Variants in CNKSR2 observed in about 807,000 individuals in gnomAD.
The protein encoded by CNKSR2 is CNK homolog protein 2.
A neutral mutation model predicts 84.4 loss-of-function variants in CNKSR2; 14 were observed. That is an observed-to-expected ratio of 0.17 (90% CI 0.11 to 0.26). CNKSR2 has a LOEUF of 0.26. CNKSR2 is among the 10% of genes least tolerant of loss of function. The probability of loss-of-function intolerance (pLI) is 1.00; values close to 1 mark genes in which losing one functional copy is unlikely to be tolerated. For synonymous variants in CNKSR2, 275 were observed against 277.9 expected (o/e 0.99, Z 0.10); for missense variants, 485 against 771.2 (o/e 0.63, Z 4.40).
In CNKSR2 at chrX:21,639,529, A is replaced by G. The variant is rs1167693645; in HGVS notation, c.2693-9302A>G. On this transcript the variant is annotated intron_variant, in intron 20 of 21. Coordinates refer to ENST00000379510, the MANE Select transcript of CNKSR2 (RefSeq NM_014927.5). ...TAAAAAATTTATTTAAAATTTACCA[A>G]GGCCTCTTTCATTTTGCCATAATCT... 2.7e-5 allele frequency among the ~76,000 whole-genome samples: 3 copies of G among 112,028 alleles called. No homozygotes were observed. In the East Asian group the frequency reaches 8.4e-4, roughly 31 times the overall value.
chrX:21,575,348 A>G (rs1278885472), intron 13 of CNKSR2, among the ~76,000 whole-genome samples: 4 of 110,847 alleles, frequency 3.6e-5, no homozygotes, highest in South Asian at 3.8e-4. Flanking sequence ...AAAATCAACT[A>G]TCGGTACTCC....
At chrX:21,622,413 T>C (rs776415194) in intron 20 of CNKSR2, among the ~76,000 whole-genome samples, 63 of 111,294 alleles carry the variant, frequency 5.7e-4, no homozygotes, top group African/African-American at 1.9e-3. Context: ...TACCTTGACT[T>C]CATCTGCATC....
At chrX:21,627,793 T>C (rs1209363839) in intron 20 of CNKSR2, among the ~76,000 whole-genome samples, 1 of 111,462 alleles carries the variant, frequency 9.0e-6, no homozygotes, top group Admixed American at 9.5e-5. Flanking sequence ...TAATGGGAGC[T>C]ACAAGATGAG....
At chrX:21,497,721 G>A in intron 6 of CNKSR2, 66 bp from the exon 7 acceptor site, 1 of 564,903 alleles carries the variant, frequency 1.8e-6, no homozygotes. Context: ...ATATAAACGA[G>A]GTTACAATGT....
At chrX:21,467,112 T>C (rs1420965003) in intron 4 of CNKSR2, among the ~76,000 whole-genome samples, 4 of 111,784 alleles carry the variant, frequency 3.6e-5, no homozygotes, top group African/African-American at 9.8e-5. Context: ...TGGCAGATAA[T>C]GTTATAAAAA....
chrX:21,609,319 G>T lies in CNKSR2; in HGVS notation c.2394G>T (p.Ala798=). ...AGGATTCTGTCTTCTCTGACTCCGC[G>T]GCCATCTCCCCAGAGCACAGGCGGC... is the stretch of plus-strand genomic sequence containing the variant. ...PLEDSVFSDS[A]AISPEHRRQS... is the part of the protein sequence containing the mutation. Residue 798 remains alanine (A), a synonymous_variant, in exon 20 of 22, where the codon GCG becomes GCT. Coordinates refer to ENST00000379510, the MANE Select transcript of CNKSR2 (RefSeq NM_014927.5). 8.3e-7 allele frequency: 1 copy of T among 1,211,397 alleles called. No homozygotes were observed.
chrX:21,595,807 T>C (rs1321515480), intron 17 of CNKSR2, among the ~76,000 whole-genome samples: 1 of 111,899 alleles, frequency 8.9e-6, no homozygotes, highest in Non-Finnish European at 1.9e-5. Context: ...TTAGTATTTC[T>C]TTCTGTCACT....
chrX:21,381,268 G>C (rs1192939786), intron 1 of CNKSR2, among the ~76,000 whole-genome samples: 2 of 111,849 alleles, frequency 1.8e-5, no homozygotes, highest in African/African-American at 6.5e-5. Flanking sequence ...GGAATTTTAG[G>C]CTTGCAACAG....
At chrX:21,426,301 G>A (rs1280123270) in intron 1 of CNKSR2, 196 bp from the exon 2 acceptor site, 3 of 391,782 alleles carry the variant, frequency 7.7e-6, no homozygotes, top group African/African-American at 5.3e-5. Flanking sequence ...TAACAACTAC[G>A]AGTATGATGA....
At chrX:21,560,865 T>C (rs759267419) in intron 11 of CNKSR2, among the ~76,000 whole-genome samples, 1 of 111,415 alleles carries the variant, frequency 9.0e-6, no homozygotes, top group Non-Finnish European at 1.9e-5. Context: ...CTTGGATCTC[T>C]ATACTGGACA....
rs1208424205 is a variant in CNKSR2 at position 21,591,207 on chromosome X, A to G, written c.1830+13A>G. On this transcript the variant is annotated intron_variant, in intron 15 of 21. Transcript: ENST00000379510. ...TATTAATGAGGAGGTAAGATAAAGC[A>G]CCTTTTGTTTTCTCATCCATTCTCT... is the stretch of plus-strand genomic sequence containing the variant. 4 of 1,136,597 alleles carry G rather than the reference A, an allele frequency of 3.5e-6. No individual in the cohort carries two copies. Among genetic ancestry groups the G allele is most frequent in the Non-Finnish European group, 4.7e-6 (4 of 846,076 alleles). 93.7% of individuals were successfully genotyped at this position (1,136,597 alleles called of 1,213,427 possible). A position where few individuals can be genotyped will look rare whatever the true frequency, so the allele number is the denominator to read the frequency against.
intron 5 of CNKSR2, among the ~76,000 whole-genome samples, chrX:21,485,473 G>C (rs73451466): frequency 9.0e-6 from 1 of 110,670 alleles, no homozygotes; most frequent in African/African-American, 3.3e-5. Flanking sequence ...GTGTGTGTGC[G>C]TGTATGTGCA....
At chrX:21,378,378 T>A (rs776908528) in intron 1 of CNKSR2, among the ~76,000 whole-genome samples, 1 of 111,857 alleles carries the variant, frequency 8.9e-6, no homozygotes, top group African/African-American at 3.2e-5. Flanking sequence ...TAGAGGCAAA[T>A]AAGTTATTGG....
At chrX:21,612,187 TC>T (rs2147288807) in intron 20 of CNKSR2, among the ~76,000 whole-genome samples, 1 of 112,448 alleles carries the variant, frequency 8.9e-6, no homozygotes, top group African/African-American at 3.2e-5. Flanking sequence ...GTTCATGGCT[TC>T]CCTGGATTGA....
intron 15 of CNKSR2, chrX:21,591,838 T>G (rs1016082659): frequency 8.1e-5 from 9 of 111,410 alleles, no homozygotes; most frequent in African/African-American, 2.9e-4. Context: ...CCAAAAACAT[T>G]TGTTGATATT....
chrX:21,462,319 T>A (rs2147126394), intron 4 of CNKSR2, among the ~76,000 whole-genome samples: 1 of 112,297 alleles, frequency 8.9e-6, no homozygotes, highest in South Asian at 3.7e-4. Context: ...TATTTTTGTT[T>A]TCTTTTTCAA....
At chrX:21,583,553 A>C (rs752318277) in intron 13 of CNKSR2, among the ~76,000 whole-genome samples, 2 of 111,953 alleles carry the variant, frequency 1.8e-5, no homozygotes, top group African/African-American at 3.2e-5. Flanking sequence ...TGTATAAGAA[A>C]GAAGCTATTG....
intron 1 of CNKSR2, among the ~76,000 whole-genome samples, chrX:21,376,062 C>T (rs776220686): frequency 1.5e-4 from 17 of 112,350 alleles, no homozygotes; most frequent in Non-Finnish European, 2.6e-4. Context: ...CCTGAGCAAA[C>T]TCTAGGTAGA....
At chrX:21,625,121 G>T (rs1404748112) in intron 20 of CNKSR2, among the ~76,000 whole-genome samples, 1 of 112,268 alleles carries the variant, frequency 8.9e-6, no homozygotes, top group African/African-American at 3.2e-5. Flanking sequence ...TTCAAAAAAA[G>T]ATTATTAAAA....
Sources: allele counts gnomAD v4.1 joint callset (sites outside exome capture counted in the v4.1 genomes callset), GRCh38; gene constraint gnomAD v4.1.1; transcripts MANE v1.5; gene names NCBI Gene and HGNC (gene_info 2026-07-23, HGNC 2026-07-21).